Variants in PCDHGB1 observed in about 807,000 individuals in gnomAD.
PCDHGB1 encodes protocadherin gamma-B1.
Under a neutral mutation model 56.6 loss-of-function variants are expected in PCDHGB1, and 34 were observed. The ratio of observed to expected loss-of-function variants is 0.60; its 90% CI spans 0.46 to 0.80. The LOEUF (loss-of-function observed/expected upper bound fraction) is 0.80, where lower values mean the gene tolerates loss of function less well. PCDHGB1 is among the 30% of genes least tolerant of loss of function. The pLI is 0.00. For missense variants in PCDHGB1, 1,278 were observed against 1,204.6 expected (o/e 1.06, Z -0.90); for synonymous variants, 561 against 505.9 (o/e 1.11, Z -1.46).
rs554119295 is a variant in PCDHGB1 at position 141,482,963 on chromosome 5, C to T, written c.2410-11844C>T. 1.7e-4 allele frequency among the ~76,000 whole-genome samples: 10 copies of T among 57,958 alleles called. No homozygotes were observed. In the South Asian group the frequency reaches 4.5e-3, roughly 26 times the overall value. 38.0% of individuals were successfully genotyped at this position (57,958 alleles called of 152,430 possible). On this transcript the variant is annotated intron_variant, in intron 1 of 3. Coordinates refer to ENST00000523390, the MANE Select transcript of PCDHGB1 (RefSeq NM_018922.3). The stretch of plus-strand genomic sequence containing the variant: ...TTGTGGGTGCCTGTAATTCCAGCTA[C>T]TTGAGCAGCTACTTGAGAGGTCGAG...
intron 1 of PCDHGB1, among the ~76,000 whole-genome samples, chr5:141,470,528 G>A (rs1446688992): frequency 6.6e-6 from 1 of 152,140 alleles, no homozygotes; most frequent in East Asian, 1.9e-4. Context: ...ATTAAAATAT[G>A]TATCAGGTAA....
chr5:141,506,832 C>T (rs1398190563), intron 3 of PCDHGB1, among the ~76,000 whole-genome samples: 1 of 152,130 alleles, frequency 6.6e-6, no homozygotes, highest in African/African-American at 2.4e-5. Flanking sequence ...GAACTGATAG[C>T]CCTGCCCTCC....
rs376402218 is a variant in PCDHGB1, at chr5:141,352,290, C to T, written c.2030C>T (p.Pro677Leu). 1 of 1,613,958 alleles carries T rather than the reference C, an allele frequency of 6.2e-7. No individual in the cohort carries two copies. The highest frequency in any genetic ancestry group is 8.5e-7 in the Non-Finnish European group (1 of 1,179,918). ...VLPDLSDRPE[P>L]SDPQTELQFY... ...CCAGACCTCAGCGACCGCCCTGAGC[C>T]CTCTGACCCCCAGACGGAACTGCAG... Residue 677 changes from proline (P) to leucine (L), a missense_variant, in exon 1 of 4, where the codon CCC (proline) becomes CTC (leucine). Coordinates refer to ENST00000523390, the MANE Select transcript of PCDHGB1 (RefSeq NM_018922.3).
chr5:141,491,479 C>T lies in PCDHGB1; in HGVS notation c.2410-3328C>T. On this transcript the variant is annotated intron_variant, in intron 1 of 3. Transcript: ENST00000523390. The surrounding 1 kb of genome is among the most constrained non-coding windows in gnomAD (Gnocchi z 6.9). ...CCCGGACTTCTATAAGCAGTCCAGCCCCAACCTGCAGGTGAGCTCGGACGG... is the reference window on the plus strand; with the variant it reads ...CCCGGACTTCTATAAGCAGTCCAGCTCCAACCTGCAGGTGAGCTCGGACGG... 1 of 1,614,144 alleles carries T rather than the reference C, an allele frequency of 6.2e-7. No homozygotes were observed. Among genetic ancestry groups the T allele is most frequent in the Non-Finnish European group, 8.5e-7 (1 of 1,180,024 alleles).
In PCDHGB1 at chr5:141,487,801, A is replaced by G. The variant is rs895741843; in HGVS notation, c.2410-7006A>G. The G allele has an allele frequency of 1.0e-5, 15 of 1,479,820 alleles. No individual in the cohort carries two copies. The highest frequency in any genetic ancestry group is 2.7e-6 in the Non-Finnish European group (3 of 1,095,672). The allele number at this position is 1,479,820 out of a possible 1,614,324, so 91.7% of individuals were successfully genotyped here. On this transcript the variant is annotated intron_variant, in intron 1 of 3. Coordinates refer to ENST00000523390, the MANE Select transcript of PCDHGB1 (RefSeq NM_018922.3). The surrounding 1 kb of genome is among the most constrained non-coding windows in gnomAD (Gnocchi z 5.0). ...GTTTCGTGAATTAACCAGAGTTGTC[A>G]CAGTTTAGCATTGGGGGCGGGTCAT... is the stretch of plus-strand genomic sequence containing the variant.
At chr5:141,461,614 T>G (rs954890718) in intron 1 of PCDHGB1, among the ~76,000 whole-genome samples, 11 of 152,208 alleles carry the variant, frequency 7.2e-5, no homozygotes, top group Non-Finnish European at 1.2e-4. Flanking sequence ...TTCAAAGTAT[T>G]TTCTAATACA....
At chr5:141,480,871 C>T (rs1262582761) in intron 1 of PCDHGB1, among the ~76,000 whole-genome samples, 1 of 151,930 alleles carries the variant, frequency 6.6e-6, no homozygotes, top group Non-Finnish European at 1.5e-5. Context: ...ATGGTGAAAC[C>T]CCGTCTCTAC....
chr5:141,410,086 G>A (rs759204005), intron 1 of PCDHGB1: 3 of 1,612,588 alleles, frequency 1.9e-6, no homozygotes, highest in Non-Finnish European at 2.5e-6. Flanking sequence ...AGGTGCGCAC[G>A]GCTCGAGCCT....
chr5:141,393,007 G>A (rs1486010375), intron 1 of PCDHGB1: 3 of 1,613,850 alleles, frequency 1.9e-6, no homozygotes, highest in East Asian at 2.2e-5. Context: ...CACGGAGTCC[G>A]TATCGTCTCC....
At chr5:141,370,525 G>C in intron 1 of PCDHGB1, 1 of 1,613,874 alleles carries the variant, frequency 6.2e-7, no homozygotes, top group Non-Finnish European at 8.5e-7. Flanking sequence ...CTGGACAGGG[G>C]CTCGCTGGTA....
chr5:141,388,527 T>C, intron 1 of PCDHGB1: 1 of 1,613,866 alleles, frequency 6.2e-7, no homozygotes, highest in Non-Finnish European at 8.5e-7. Flanking sequence ...TTTGACTGCC[T>C]TGGACTTTGG....
At chr5:141,398,199 G>A in intron 1 of PCDHGB1, 1 of 1,491,242 alleles carries the variant, frequency 6.7e-7, no homozygotes, top group South Asian at 1.3e-5. Flanking sequence ...TGCTGTCTTT[G>A]TTCTGCCCGG....
rs780395794 is a variant in PCDHGB1, at chr5:141,489,685, G to A, written c.2410-5122G>A. ...GCGCATCTCAGAATCAGCAGCATCT[G>A]GGGCACGATTCCCACTGGACAGTGC... On this transcript the variant is annotated intron_variant, in intron 1 of 3. Coordinates refer to ENST00000523390, the MANE Select transcript of PCDHGB1 (RefSeq NM_018922.3). The surrounding 1 kb of genome is among the most constrained non-coding windows in gnomAD (Gnocchi z 4.5). 10 of 1,614,142 alleles carry A rather than the reference G, an allele frequency of 6.2e-6. No individual in the cohort carries two copies. The South Asian group carries it at 1.1e-4, about 18-fold the overall frequency.
At chr5:141,488,951 A>G (rs2099680664) in intron 1 of PCDHGB1, among the ~76,000 whole-genome samples, 1 of 152,118 alleles carries the variant, frequency 6.6e-6, no homozygotes, top group Admixed American at 6.5e-5. Flanking sequence ...ATTGGTTGAG[A>G]GCACACAGAC....
chr5:141,419,269 C>G (rs1456612499), intron 1 of PCDHGB1: 1 of 1,614,034 alleles, frequency 6.2e-7, no homozygotes, highest in Admixed American at 1.7e-5. Flanking sequence ...CGGGTGCCTC[C>G]ATAGCGCAAG....
intron 1 of PCDHGB1, among the ~76,000 whole-genome samples, chr5:141,449,310 A>G (rs1006876700): frequency 4.6e-5 from 7 of 152,112 alleles, no homozygotes; most frequent in Non-Finnish European, 7.4e-5. Context: ...TATGTATTAT[A>G]TAATTGTATC....
At chr5:141,400,760 C>G (rs1296918626) in intron 1 of PCDHGB1, 2 of 582,290 alleles carry the variant, frequency 3.4e-6, no homozygotes, top group Non-Finnish European at 6.0e-6. Context: ...TCCTCTCTAG[C>G]AAAAACATTT....
At chr5:141,374,467 C>T (rs1430397717) in intron 1 of PCDHGB1, 2 of 1,612,694 alleles carry the variant, frequency 1.2e-6, no homozygotes, top group Non-Finnish European at 1.7e-6. Flanking sequence ...ACATTAATGA[C>T]AATACACCCC....
intron 1 of PCDHGB1, chr5:141,394,449 A>T: frequency 6.2e-7 from 1 of 1,614,230 alleles, no homozygotes; most frequent in Non-Finnish European, 8.5e-7. Context: ...CAGCAGCAAC[A>T]TGTCACTGAG....
Sources: gnomAD v4.1 joint callset for allele counts (sites outside exome capture counted in the v4.1 genomes callset) on GRCh38, gnomAD v4.1.1 for gene constraint, Gnocchi (gnomAD v3.1) non-coding constraint, MANE v1.5 for transcripts, NCBI Gene and HGNC (gene_info 2026-07-23, HGNC 2026-07-21) for gene names.